Variants in LAMA3 observed in about 807,000 individuals in gnomAD.
The protein encoded by LAMA3 is laminin subunit alpha 3, also known as laminin subunit alpha-3.
A neutral mutation model predicts 402.0 loss-of-function variants in LAMA3; 281 were observed. That is an observed-to-expected ratio of 0.70 (90% CI 0.63 to 0.77). The LOEUF is 0.77. Among genes scored for constraint, LAMA3 ranks in the 30% least tolerant of loss-of-function variants. The pLI is 0.00. For synonymous variants in LAMA3, 1,431 were observed against 1,558.4 expected (o/e 0.92, Z 1.93); for missense variants, 3,840 against 4,215.5 (o/e 0.91, Z 2.47).
rs1207560394 is a variant in LAMA3 at position 23,778,170 on chromosome 18, C to T, written c.1468+551C>T. On this transcript the variant is annotated intron_variant, in intron 11 of 74. Coordinates refer to ENST00000313654, the MANE Select transcript of LAMA3 (RefSeq NM_198129.4). ...CCTGGCAGAGAGTAGCAGTGGTGTG[C>T]AGTAAGCTGTCTCTGAGGGTGAAGG... Among the ~76,000 whole-genome samples the T allele has an allele frequency of 2.0e-5, 3 of 152,258 alleles. No individual in the cohort carries two copies. In the East Asian group the frequency reaches 5.8e-4, roughly 29 times the overall value.
intron 12 of LAMA3, among the ~76,000 whole-genome samples, chr18:23,787,459 C>T (rs1598793509): frequency 6.6e-6 from 1 of 152,062 alleles, no homozygotes; most frequent in South Asian, 2.1e-4. Flanking sequence ...AGCTAAGAAG[C>T]TTAATGAACT....
intron 39 of LAMA3, among the ~76,000 whole-genome samples, chr18:23,877,518 A>G (rs562046791): frequency 1.3e-5 from 2 of 152,230 alleles, no homozygotes; most frequent in South Asian, 4.2e-4. Context: ...CTCTGGCACA[A>G]ATTTTCTTTG....
At chr18:23,697,322 T>C (rs1316520895) in intron 1 of LAMA3, among the ~76,000 whole-genome samples, 1 of 152,206 alleles carries the variant, frequency 6.6e-6, no homozygotes, top group East Asian at 1.9e-4. Context: ...GCCCTCCCCA[T>C]GCCTGACTTG....
chr18:23,752,849 T>G (rs1269970868), intron 5 of LAMA3, among the ~76,000 whole-genome samples: 1 of 152,214 alleles, frequency 6.6e-6, no homozygotes, highest in African/African-American at 2.4e-5. Flanking sequence ...AAAACCCTCT[T>G]GTCCTTGCGA....
chr18:23,715,460 T>C lies in LAMA3; in HGVS notation c.447+1388T>C, dbSNP rs150972068. 1.1e-3 allele frequency among the ~76,000 whole-genome samples: 172 copies of C among 152,174 alleles called. 1 individual carries two copies. The highest frequency in any genetic ancestry group is 3.8e-3 in the African/African-American group (159 of 41,504). ...CACTGGTGACTTTGATAAGAGAGCATTGAAAAGTTAACTGTAGGGAAATTA... is the reference window on the plus strand; with the variant it reads ...CACTGGTGACTTTGATAAGAGAGCACTGAAAAGTTAACTGTAGGGAAATTA... On this transcript the variant is annotated intron_variant, in intron 2 of 74. Coordinates refer to ENST00000313654, the MANE Select transcript of LAMA3 (RefSeq NM_198129.4).
intron 38 of LAMA3, 29 bp downstream of exon 38, chr18:23,871,690 C>T (rs763163660): frequency 1.0e-5 from 16 of 1,550,054 alleles, no homozygotes. Flanking sequence ...CGCAACATTT[C>T]CCTAGGGAGC....
At chr18:23,726,904 T>C (rs2061310289) in intron 2 of LAMA3, among the ~76,000 whole-genome samples, 1 of 152,082 alleles carries the variant, frequency 6.6e-6, no homozygotes, top group Non-Finnish European at 1.5e-5. Context: ...AGGAGTGAGC[T>C]ACCGTGCCCG....
intron 1 of LAMA3, among the ~76,000 whole-genome samples, chr18:23,699,294 C>A (rs986220929): frequency 1.3e-5 from 2 of 152,216 alleles, no homozygotes; most frequent in African/African-American, 4.8e-5. Context: ...AGAATTTATA[C>A]ATATTTCACT....
intron 12 of LAMA3, among the ~76,000 whole-genome samples, chr18:23,794,075 C>A (rs2062715635): frequency 2.0e-5 from 3 of 152,232 alleles, no homozygotes; most frequent in Admixed American, 2.0e-4. Flanking sequence ...CCTCCCTGGG[C>A]CCCACCCTCC....
intron 6 of LAMA3, 23 bp downstream of exon 6, chr18:23,753,835 T>C (rs1019752924): frequency 6.6e-7 from 1 of 1,509,268 alleles, no homozygotes. Flanking sequence ...TACAGATTTT[T>C]TTCAGCCTTA....
chr18:23,862,008 G>C (rs1157453020), intron 35 of LAMA3, among the ~76,000 whole-genome samples: 1 of 152,192 alleles, frequency 6.6e-6, no homozygotes, highest in African/African-American at 2.4e-5. Flanking sequence ...CCCCACCATT[G>C]CCATGCATGA....
chr18:23,912,958 G>A (rs1018289088), intron 56 of LAMA3, 77 bp downstream of exon 56: 74 of 1,322,056 alleles, frequency 5.6e-5, no homozygotes, highest in Non-Finnish European at 7.4e-5. Context: ...TGTGTGGCAC[G>A]GCTGCATCAC....
intron 1 of LAMA3, among the ~76,000 whole-genome samples, chr18:23,700,413 G>C (rs2060771198): frequency 6.6e-6 from 1 of 152,144 alleles, no homozygotes; most frequent in African/African-American, 2.4e-5. Flanking sequence ...AAGACTTCCA[G>C]AAAGAACTTC....
At chr18:23,745,504 C>T (rs951529850) in intron 2 of LAMA3, among the ~76,000 whole-genome samples, 2 of 152,244 alleles carry the variant, frequency 1.3e-5, no homozygotes, top group South Asian at 2.1e-4. Context: ...CTTCTTCCCC[C>T]CAAGATGAAA....
chr18:23,855,930 C>A (rs1010539849), intron 32 of LAMA3, among the ~76,000 whole-genome samples: 2 of 152,102 alleles, frequency 1.3e-5, no homozygotes, highest in Non-Finnish European at 2.9e-5. Context: ...TTAGTTGTGC[C>A]GAGTGGACAG....
At chr18:23,741,098 T>C (rs11873018) in intron 2 of LAMA3, among the ~76,000 whole-genome samples, 3,655 of 151,982 alleles carry the variant, frequency 0.024, 143 homozygotes, top group African/African-American at 0.084. Flanking sequence ...GGGCTACAGG[T>C]GCCTGCCACC....
chr18:23,696,744 C>T (rs2060692536), intron 1 of LAMA3, among the ~76,000 whole-genome samples: 1 of 152,248 alleles, frequency 6.6e-6, no homozygotes, highest in Admixed American at 6.5e-5. Flanking sequence ...AAGCAATCCA[C>T]TTGCCTTGGC....
At chr18:23,763,908 C>T (rs1414664077) in intron 8 of LAMA3, among the ~76,000 whole-genome samples, 1 of 152,082 alleles carries the variant, frequency 6.6e-6, no homozygotes, top group African/African-American at 2.4e-5. Flanking sequence ...AGTCTAGACT[C>T]AGTGAGGAAA....
intron 39 of LAMA3, among the ~76,000 whole-genome samples, chr18:23,877,537 A>G (rs575434070): frequency 6.6e-6 from 1 of 152,256 alleles, no homozygotes; most frequent in South Asian, 2.1e-4. Context: ...TGTATTGTGT[A>G]ATGCAACTAG....
Sources: allele counts gnomAD v4.1 joint callset (sites outside exome capture counted in the v4.1 genomes callset), GRCh38; gene constraint gnomAD v4.1.1; transcripts MANE v1.5; gene names NCBI Gene and HGNC (gene_info 2026-07-23, HGNC 2026-07-21).